KIAA0319L: variants seen among roughly 807,000 people sequenced by gnomAD.
KIAA0319L encodes the protein dyslexia-associated protein KIAA0319-like protein.
A neutral mutation model predicts 120.1 loss-of-function variants in KIAA0319L; 55 were observed. The observed-to-expected ratio is 0.46, with a 90% CI of 0.37 to 0.57. The LOEUF (loss-of-function observed/expected upper bound fraction) is 0.57, where lower values mean the gene tolerates loss of function less well. Among genes scored for constraint, KIAA0319L ranks in the 20% least tolerant of loss-of-function variants. KIAA0319L has a pLI of 0.00. For synonymous variants in KIAA0319L, 398 were observed against 471.9 expected (o/e 0.84, Z 2.03); for missense variants, 1,049 against 1,255.3 (o/e 0.84, Z 2.48).
intron 5 of KIAA0319L, among the ~76,000 whole-genome samples, chr1:35,471,203 G>A (rs917577773): frequency 6.6e-6 from 1 of 152,044 alleles, no homozygotes; most frequent in African/African-American, 2.4e-5. Context: ...GCCCTATACC[G>A]ACCCTCTCAG....
chr1:35,447,608 G>A (rs994450035), intron 16 of KIAA0319L, among the ~76,000 whole-genome samples: 3 of 129,978 alleles, frequency 2.3e-5, no homozygotes, highest in African/African-American at 8.8e-5. Context: ...GTCTCACTCT[G>A]TCTTCCAGGC....
chr1:35,448,923 C>A (rs1052921485), intron 15 of KIAA0319L, among the ~76,000 whole-genome samples: 1 of 152,204 alleles, frequency 6.6e-6, no homozygotes, highest in Non-Finnish European at 1.5e-5. Flanking sequence ...AACTCTAAAA[C>A]GGTGAGGCTA....
At chr1:35,531,513 C>T (rs1029032690) in intron 2 of KIAA0319L, among the ~76,000 whole-genome samples, 10 of 152,156 alleles carry the variant, frequency 6.6e-5, no homozygotes, top group African/African-American at 7.2e-5. Context: ...CTGGGGGATG[C>T]GTGGGACTCA....
chr1:35,439,214 C>A (rs1485479243), intron 20 of KIAA0319L: 1 of 152,278 alleles, frequency 6.6e-6, no homozygotes, highest in Non-Finnish European at 1.5e-5. Context: ...TCTGCTCCTT[C>A]TAGCAGCTGG....
chr1:35,519,611 G>A (rs1374832543), intron 2 of KIAA0319L, among the ~76,000 whole-genome samples: 2 of 152,138 alleles, frequency 1.3e-5, no homozygotes, highest in African/African-American at 4.8e-5. Flanking sequence ...AATTCTGTGT[G>A]GCATGGCCTG....
intron 1 of KIAA0319L, among the ~76,000 whole-genome samples, chr1:35,555,241 C>G (rs774822115): frequency 1.3e-5 from 2 of 152,112 alleles, no homozygotes; most frequent in African/African-American, 4.8e-5. Context: ...TAAATTAGTA[C>G]GTAAATATTG....
At position 35,466,701 on chromosome 1, in the gene KIAA0319L, G is replaced by T. The variant is rs990178273; in HGVS notation, c.1114-6C>A. ...TCATACAGGCCTGGAGTGAGCTGCAGAAGTGAGAGAAGATCTCTTAGACAA... is the reference window on the plus strand; with the variant it reads ...TCATACAGGCCTGGAGTGAGCTGCATAAGTGAGAGAAGATCTCTTAGACAA... On this transcript the variant is annotated splice_region_variant and splice_polypyrimidine_tract_variant and intron_variant, in intron 6 of 20. Coordinates refer to ENST00000325722, the MANE Select transcript of KIAA0319L (RefSeq NM_024874.5). The T allele has an allele frequency of 7.0e-6, 11 of 1,578,864 alleles. No individual in the cohort carries two copies. The African/African-American group carries it at 1.5e-4, about 21-fold the overall frequency.
chr1:35,444,108 T>C (rs1196293638), intron 17 of KIAA0319L, 53 bp downstream of exon 17: 24 of 1,478,134 alleles, frequency 1.6e-5, no homozygotes, highest in Non-Finnish European at 2.2e-5. Flanking sequence ...GACCAATGGG[T>C]GAGCTGCAGG....
At chr1:35,516,974 A>T (rs1645706267) in intron 2 of KIAA0319L, among the ~76,000 whole-genome samples, 1 of 152,170 alleles carries the variant, frequency 6.6e-6, no homozygotes, top group Non-Finnish European at 1.5e-5. Flanking sequence ...AAAAAGAATA[A>T]AATACCTAGG....
At chr1:35,450,831 G>A (rs889763937) in intron 13 of KIAA0319L, among the ~76,000 whole-genome samples, 7 of 152,142 alleles carry the variant, frequency 4.6e-5, no homozygotes, top group Admixed American at 2.0e-4. Context: ...CAGAAATAAC[G>A]GCCCAAACTG....
At chr1:35,553,567 G>A (rs1025634430) in intron 2 of KIAA0319L, among the ~76,000 whole-genome samples, 1 of 152,204 alleles carries the variant, frequency 6.6e-6, no homozygotes, top group African/African-American at 2.4e-5. Context: ...AAGGGAAAAA[G>A]GCTGATTAGT....
intron 2 of KIAA0319L, among the ~76,000 whole-genome samples, chr1:35,531,575 C>T (rs1646371065): frequency 6.6e-6 from 1 of 152,170 alleles, no homozygotes; most frequent in Non-Finnish European, 1.5e-5. Context: ...CAGGGATCTC[C>T]CTCTGCCAGT....
rs1450130225 is a variant in KIAA0319L, at chr1:35,466,703, A to G, written c.1114-8T>C. 5 of 1,580,950 alleles carry G rather than the reference A, an allele frequency of 3.2e-6. No individual in the cohort carries two copies. The Admixed American group carries it at 6.7e-5, about 21-fold the overall frequency. ...ATACAGGCCTGGAGTGAGCTGCAGAAGTGAGAGAAGATCTCTTAGACAATC... is the reference window on the plus strand; with the variant it reads ...ATACAGGCCTGGAGTGAGCTGCAGAGGTGAGAGAAGATCTCTTAGACAATC... On this transcript the variant is annotated splice_region_variant and splice_polypyrimidine_tract_variant and intron_variant, in intron 6 of 20. Coordinates refer to ENST00000325722, the MANE Select transcript of KIAA0319L (RefSeq NM_024874.5).
chr1:35,434,811 C>T lies in KIAA0319L; in HGVS notation c.*83G>A. The stretch of plus-strand genomic sequence containing the variant: ...GCGAAATGACCAGCAGATGCTGGGA[C>T]AGCAGCTGCCCGCAGACTCGGGAGG... On this transcript the variant is annotated 3_prime_UTR_variant, in exon 21 of 21. Coordinates refer to ENST00000325722, the MANE Select transcript of KIAA0319L (RefSeq NM_024874.5). 1 of 1,258,906 alleles carries T rather than the reference C, an allele frequency of 7.9e-7. No individual in the cohort carries two copies. The highest frequency in any genetic ancestry group is 1.5e-5 in the African/African-American group (1 of 66,586). 78.0% of individuals were successfully genotyped at this position (1,258,906 alleles called of 1,614,324 possible).
intron 2 of KIAA0319L, among the ~76,000 whole-genome samples, chr1:35,539,242 C>T (rs1646702085): frequency 6.6e-6 from 1 of 152,140 alleles, no homozygotes; most frequent in African/African-American, 2.4e-5. Flanking sequence ...ACAGCTCAAT[C>T]AAAACAGCTT....
In KIAA0319L at chr1:35,450,475, C is replaced by A; in HGVS notation, c.2097G>T (p.Gly699=). 1.2e-6 allele frequency: 2 copies of A among 1,613,904 alleles called. No homozygotes were observed. The highest frequency in any genetic ancestry group is 1.7e-6 in the Non-Finnish European group (2 of 1,179,804). ...TCGTGGGTAGGGTAATCACCACATTCCCAGTTATCTTGGCTATAGGTGGTT... is the reference window on the plus strand; with the variant it reads ...TCGTGGGTAGGGTAATCACCACATTACCAGTTATCTTGGCTATAGGTGGTT... ...INKPPIAKIT[G]NVVITLPTST... Residue 699 remains glycine (G), a synonymous_variant, in exon 14 of 21, where the codon GGG becomes GGT. Coordinates refer to ENST00000325722, the MANE Select transcript of KIAA0319L (RefSeq NM_024874.5).
At chr1:35,472,010 G>A (rs922398095) in intron 5 of KIAA0319L, among the ~76,000 whole-genome samples, 1 of 152,302 alleles carries the variant, frequency 6.6e-6, no homozygotes, top group African/African-American at 2.4e-5. Context: ...GAGAGGAGAC[G>A]GAAAGAAGCA....
At chr1:35,448,517 A>C (rs1641809530) in intron 15 of KIAA0319L, among the ~76,000 whole-genome samples, 185 bp from the exon 16 acceptor site, 2 of 152,030 alleles carry the variant, frequency 1.3e-5, no homozygotes, top group African/African-American at 4.8e-5. Context: ...CTTCTAAAGC[A>C]CTCCTGCTCT....
chr1:35,511,879 T>C (rs1645460515), intron 2 of KIAA0319L, among the ~76,000 whole-genome samples: 1 of 152,180 alleles, frequency 6.6e-6, no homozygotes, highest in Admixed American at 6.5e-5. Flanking sequence ...ATAACTTAAG[T>C]GGAAAAAGCA....
Sources: gnomAD v4.1 joint callset for allele counts (sites outside exome capture counted in the v4.1 genomes callset) on GRCh38, gnomAD v4.1.1 for gene constraint, MANE v1.5 for transcripts, NCBI Gene and HGNC (gene_info 2026-07-23, HGNC 2026-07-21) for gene names.